The following CLVS1 variants were observed in gnomAD, a reference collection of about 807,000 sequenced individuals.
CLVS1 encodes the protein clavesin 1.
Under a neutral mutation model 33.1 loss-of-function variants are expected in CLVS1, and 10 were observed. The observed-to-expected ratio is 0.30, with a 90% confidence interval of 0.19 to 0.51. The LOEUF is 0.51. Ranked by LOEUF, CLVS1 falls within the 20% of genes least tolerant of loss-of-function variation. The pLI is 0.97. For synonymous variants in CLVS1, 163 were observed against 166.1 expected (o/e 0.98, Z 0.14); for missense variants, 343 against 433.4 (o/e 0.79, Z 1.85).
the CLVS1 span, among the ~76,000 whole-genome samples, chr8:61,040,666 G>A: frequency 6.6e-6 from 1 of 152,072 alleles, no homozygotes; most frequent in African/African-American, 2.4e-5. Flanking sequence ...CATGTCCTTT[G>A]CTTACTTTTC....
chr8:61,260,586 T>TA (rs1809182397), intron 2 of CLVS1, among the ~76,000 whole-genome samples: 1 of 152,124 alleles, frequency 6.6e-6, no homozygotes, highest in Non-Finnish European at 1.5e-5. Context: ...AAATATTGGT[T>TA]AATAGGATCT....
At chr8:61,466,835 G>A (rs1817563050) in intron 5 of CLVS1, among the ~76,000 whole-genome samples, 2 of 152,202 alleles carry the variant, frequency 1.3e-5, no homozygotes, top group South Asian at 4.2e-4. Context: ...TTTTAGTAGA[G>A]ATGGGGTTTC....
chr8:61,454,006 T>G, intron 3 of CLVS1, 135 bp from the exon 4 acceptor site: 1 of 703,694 alleles, frequency 1.4e-6, no homozygotes, highest in East Asian at 2.5e-5. Flanking sequence ...GTGTGTTTTC[T>G]TCCTCTCCTC....
the CLVS1 span, among the ~76,000 whole-genome samples, chr8:60,999,959 A>G: frequency 6.6e-6 from 1 of 152,224 alleles, no homozygotes; most frequent in African/African-American, 2.4e-5. Context: ...CTGAAGGGAT[A>G]GGCAGGAAGT....
intron 3 of CLVS1, among the ~76,000 whole-genome samples, chr8:61,445,046 G>A (rs1816702926): frequency 6.6e-6 from 1 of 152,156 alleles, no homozygotes; most frequent in Non-Finnish European, 1.5e-5. Flanking sequence ...GACCTCAGAT[G>A]TCAAAGCATT....
the CLVS1 span, among the ~76,000 whole-genome samples, chr8:61,016,003 A>G: frequency 1.3e-5 from 2 of 152,204 alleles, no homozygotes; most frequent in Non-Finnish European, 2.9e-5. Context: ...GAAAATGCCA[A>G]ATCTGAAATG....
Position 61,328,386 on chromosome 8 carries a change from G to C in CLVS1, c.455+28104G>C, listed in dbSNP as rs536164423. On this transcript the variant is annotated intron_variant, in intron 2 of 5. Coordinates refer to ENST00000325897, the MANE Select transcript of CLVS1 (RefSeq NM_173519.3). ...TGTGGCTTAGGTGGAGCTTGAGCTT[G>C]AATTGAAAGGTGAGGGTCAACTTGG... Among the ~76,000 whole-genome samples the C allele has an allele frequency of 5.3e-5, 8 of 152,302 alleles. No individual in the cohort carries two copies. The South Asian group carries it at 1.7e-3, about 32-fold the overall frequency.
intron 2 of CLVS1, among the ~76,000 whole-genome samples, chr8:61,203,523 A>G (rs188308003): frequency 7.5e-6 from 1 of 132,460 alleles, no homozygotes; most frequent in African/African-American, 2.9e-5. Flanking sequence ...CTGTGAAATA[A>G]AACTCAGTAT....
At chr8:61,420,665 A>G (rs1375461979) in intron 3 of CLVS1, among the ~76,000 whole-genome samples, 2 of 152,064 alleles carry the variant, frequency 1.3e-5, no homozygotes, top group African/African-American at 4.8e-5. Context: ...TTATGTTTAT[A>G]TTGAATACTC....
rs147977649 is a variant in CLVS1, at chr8:61,426,308, C to T, written c.631-27833C>T. Among the ~76,000 whole-genome samples the T allele has an allele frequency of 7.0e-3, 1,066 of 152,302 alleles. 18 individuals carry two copies. The highest frequency in any genetic ancestry group is 0.014 in the Middle Eastern group (4 of 294). On this transcript the variant is annotated intron_variant, in intron 3 of 5. Coordinates refer to ENST00000325897, the MANE Select transcript of CLVS1 (RefSeq NM_173519.3). ...GGAAAGGCTTACCTAACAGACAATT[C>T]CTGCAGTACCTTGTTACTTCTAGCT...
At chr8:61,220,534 C>A (rs1348644111) in intron 2 of CLVS1, among the ~76,000 whole-genome samples, 1 of 152,020 alleles carries the variant, frequency 6.6e-6, no homozygotes, top group African/African-American at 2.4e-5. Context: ...GTTTTGGTAC[C>A]AGTACCATGC....
At chr8:60,975,086 G>C in the CLVS1 span, among the ~76,000 whole-genome samples, 1 of 152,176 alleles carries the variant, frequency 6.6e-6, no homozygotes, top group African/African-American at 2.4e-5. Context: ...TCCTAACCCT[G>C]TGAGTGCCCT....
At chr8:61,167,487 T>C (rs1254343956) in intron 2 of CLVS1, among the ~76,000 whole-genome samples, 2 of 152,114 alleles carry the variant, frequency 1.3e-5, no homozygotes, top group Non-Finnish European at 2.9e-5. Flanking sequence ...CGGTCCAGCT[T>C]CCTTTAATTT....
the CLVS1 span, among the ~76,000 whole-genome samples, chr8:60,983,465 G>T: frequency 2.6e-5 from 4 of 152,286 alleles, no homozygotes; most frequent in East Asian, 5.8e-4. Flanking sequence ...GAGGGCAAGG[G>T]AACCAAGGAG....
the CLVS1 span, among the ~76,000 whole-genome samples, chr8:60,990,917 G>A: frequency 6.6e-6 from 1 of 151,992 alleles, no homozygotes; most frequent in Non-Finnish European, 1.5e-5. Context: ...TCACCATGTT[G>A]GCCAGGCTGG....
At chr8:60,983,736 G>T in the CLVS1 span, among the ~76,000 whole-genome samples, 1 of 152,184 alleles carries the variant, frequency 6.6e-6, no homozygotes, top group Admixed American at 6.5e-5. Flanking sequence ...TTGCTGTGTT[G>T]TCTGCTGTTA....
the CLVS1 span, among the ~76,000 whole-genome samples, chr8:61,018,453 C>A: frequency 6.6e-6 from 1 of 152,096 alleles, no homozygotes; most frequent in East Asian, 1.9e-4. Flanking sequence ...CAGAAGTTGA[C>A]CCAGTGGAGA....
In CLVS1 at chr8:61,499,585, G is replaced by GT; in HGVS notation, c.*44dup. The GT allele has an allele frequency of 6.8e-7, 1 of 1,475,394 alleles. No homozygotes were observed. The highest frequency in any genetic ancestry group is 1.1e-5 in the South Asian group (1 of 88,134). The allele number at this position is 1,475,394 out of a possible 1,614,324, so 91.4% of individuals were successfully genotyped here. ...TGCTCCTGCACACTGGCCTTCAGTGGTATCAGCCACCCAGGAAGCACATGC... is the reference window on the plus strand; with the variant it reads ...TGCTCCTGCACACTGGCCTTCAGTGGTTATCAGCCACCCAGGAAGCACATGC... On this transcript the variant is annotated 3_prime_UTR_variant, in exon 6 of 6. Coordinates refer to ENST00000325897, the MANE Select transcript of CLVS1 (RefSeq NM_173519.3).
chr8:61,078,901 A>G (rs995974380), intron 1 of CLVS1, among the ~76,000 whole-genome samples: 2 of 152,224 alleles, frequency 1.3e-5, no homozygotes, highest in Non-Finnish European at 2.9e-5. Context: ...ATAATGTTCA[A>G]TGTTAAAATG....
Sources: allele counts gnomAD v4.1 joint callset (sites outside exome capture counted in the v4.1 genomes callset), GRCh38; gene constraint gnomAD v4.1.1; transcripts MANE v1.5; gene names NCBI Gene and HGNC (gene_info 2026-07-23, HGNC 2026-07-21).